Variants in ADAMTS10 observed in about 807,000 individuals in gnomAD.
ADAMTS10 encodes the protein ADAM metallopeptidase with thrombospondin type 1 motif 10.
Under a neutral mutation model 135.9 loss-of-function variants are expected in ADAMTS10, and 48 were observed. The ratio of observed to expected loss-of-function variants is 0.35; its 90% CI spans 0.28 to 0.45. ADAMTS10 has a LOEUF of 0.45. Among genes scored for constraint, ADAMTS10 ranks in the 20% least tolerant of loss-of-function variants. ADAMTS10 has a pLI of 1.00. For missense variants in ADAMTS10, 1,131 were observed against 1,565.2 expected (o/e 0.72, Z 4.68); for synonymous variants, 621 against 647.5 (o/e 0.96, Z 0.62).
At chr19:8,603,669 C>T (rs1293266775) in intron 5 of ADAMTS10, 59 bp downstream of exon 5, 7 of 1,607,766 alleles carry the variant, frequency 4.4e-6, no homozygotes, top group African/African-American at 1.3e-5. Flanking sequence ...AAAGACACTG[C>T]TGCCTCAAGG....
chr19:8,598,091 G>T (rs1324349527), intron 6 of ADAMTS10, among the ~76,000 whole-genome samples: 2 of 152,162 alleles, frequency 1.3e-5, no homozygotes, highest in Non-Finnish European at 2.9e-5. Flanking sequence ...TGGGATCACA[G>T]GTGTGAGCCA....
chr19:8,592,967 G>A (rs2042561009), intron 12 of ADAMTS10, 97 bp from the exon 13 acceptor site: 3 of 1,160,494 alleles, frequency 2.6e-6, no homozygotes, highest in Non-Finnish European at 3.7e-6. Flanking sequence ...GCTCACTGCC[G>A]GTCCCAGAGC....
At position 8,585,040 on chromosome 19, in the gene ADAMTS10, G is replaced by A; in HGVS notation, c.3057C>T (p.Cys1019=). 3 of 1,529,744 alleles carry A rather than the reference G, an allele frequency of 2.0e-6. No homozygotes were observed. The highest frequency in any genetic ancestry group is 1.8e-6 in the Non-Finnish European group (2 of 1,142,280). The allele number at this position is 1,529,744 out of a possible 1,614,324, so 94.8% of individuals were successfully genotyped here. The change falls in exon 25 of 26, where the codon TGC becomes TGT. Residue 1019 remains cysteine, a synonymous_variant. Transcript: ENST00000597188. ...AGEWGECSAQ[C]GVGQRQRSVR... The stretch of plus-strand genomic sequence containing the variant: ...CCGAGCGCTGCCGCTGCCCGACGCC[G>A]CACTGTGCAGAGCACTGCGAGGGGG...
chr19:8,597,162 C>A, intron 7 of ADAMTS10, 30 bp from the exon 8 acceptor site: 1 of 1,614,118 alleles, frequency 6.2e-7, no homozygotes, highest in Non-Finnish European at 8.5e-7. Flanking sequence ...AATGCATGGG[C>A]ACCCACCACC....
rs1357139384 is a variant in ADAMTS10, at chr19:8,607,040, CAT to C, written c.-100+1092_-100+1093del. ...GGCCTGGAGGTTGGGTAGAGCCTGG[CAT>C]GAGCCCAGACAGGGTGGGTGCAGGA... On this transcript the variant is annotated intron_variant, in intron 2 of 25. Coordinates refer to ENST00000597188, the MANE Select transcript of ADAMTS10 (RefSeq NM_030957.4). 3.3e-5 allele frequency among the ~76,000 whole-genome samples: 5 copies of C among 152,194 alleles called. No homozygotes were observed. In the East Asian group the frequency reaches 9.6e-4, roughly 29 times the overall value.
At position 8,605,946 on chromosome 19, in the gene ADAMTS10, TC is replaced by T; in HGVS notation, c.-99-138del. ...ATTTTCTCACTCAGTCACTCCCCTCTCCCCACCTCCCCTTCCAATCCTTCCT... is the reference window on the plus strand; with the variant it reads ...ATTTTCTCACTCAGTCACTCCCCTCTCCCACCTCCCCTTCCAATCCTTCCT... On this transcript the variant is annotated intron_variant, in intron 2 of 25. Transcript: ENST00000597188. The surrounding 1 kb of genome is among the most constrained non-coding windows in gnomAD (Gnocchi z 7.7). 4 of 799,252 alleles carry T rather than the reference TC, an allele frequency of 5.0e-6. No homozygotes were observed. The highest frequency in any genetic ancestry group is 7.7e-6 in the Non-Finnish European group (4 of 522,356). 49.5% of individuals were successfully genotyped at this position (799,252 alleles called of 1,614,324 possible).
chr19:8,589,808 AT>A (rs2146056580), intron 16 of ADAMTS10, 80 bp downstream of exon 16: 6 of 1,478,174 alleles, frequency 4.1e-6, no homozygotes, highest in Non-Finnish European at 5.6e-6. Flanking sequence ...AGACCCCGGG[AT>A]GCTGCATTCA....
In ADAMTS10 at chr19:8,589,882, C is replaced by T; in HGVS notation, c.1900+7G>A. The T allele has an allele frequency of 1.9e-6, 3 of 1,612,918 alleles. No individual in the cohort carries two copies. Among genetic ancestry groups the T allele is most frequent in the Non-Finnish European group, 2.5e-6 (3 of 1,178,976 alleles). On this transcript the variant is annotated splice_region_variant and intron_variant, in intron 16 of 25. Coordinates refer to ENST00000597188, the MANE Select transcript of ADAMTS10 (RefSeq NM_030957.4). ...CGGCCCCACAGCCTTTGGAGTCCCA[C>T]ACTCACCTCCCCGGTACGTTTTCCA...
In ADAMTS10 at chr19:8,596,663, G is replaced by A. The variant is rs1044624948; in HGVS notation, c.1041-78C>T. ...GCTGATGCCACCATGCCCAGCTCTG[G>A]GGGTTGAGTCCTGCCTTGGAGGCGC... On this transcript the variant is annotated intron_variant, in intron 8 of 25. Coordinates refer to ENST00000597188, the MANE Select transcript of ADAMTS10 (RefSeq NM_030957.4). The surrounding 1 kb of genome is among the most constrained non-coding windows in gnomAD (Gnocchi z 7.2). 5 of 1,562,814 alleles carry A rather than the reference G, an allele frequency of 3.2e-6. No homozygotes were observed.
chr19:8,604,356 C>G (rs1421358645), intron 4 of ADAMTS10, among the ~76,000 whole-genome samples: 1 of 150,956 alleles, frequency 6.6e-6, no homozygotes, highest in Non-Finnish European at 1.5e-5. Flanking sequence ...AGTCAGCATG[C>G]TCAGCCTCTA....
At chr19:8,610,529 AG>A (rs2042769794) in intron 1 of ADAMTS10, 114 bp downstream of exon 1, 2 of 152,102 alleles carry the variant, frequency 1.3e-5, no homozygotes, top group Non-Finnish European at 2.9e-5. Flanking sequence ...GGAGTCGCAC[AG>A]CGGGATGCCC....
At chr19:8,604,819 A>G in intron 4 of ADAMTS10, 193 bp downstream of exon 4, 2 of 661,606 alleles carry the variant, frequency 3.0e-6, no homozygotes, top group Non-Finnish European at 5.1e-6. Context: ...TAGCTCATTA[A>G]TTTTCAGCCT....
chr19:8,606,351 C>T (rs782668482), intron 2 of ADAMTS10, among the ~76,000 whole-genome samples: 2 of 152,112 alleles, frequency 1.3e-5, no homozygotes, highest in Non-Finnish European at 2.9e-5. Context: ...GCATGAGCCA[C>T]TGCACCCAGC....
intron 4 of ADAMTS10, 171 bp downstream of exon 4, chr19:8,604,841 A>G (rs1007676809): frequency 1.4e-6 from 1 of 736,526 alleles, no homozygotes; most frequent in East Asian, 2.7e-5. Flanking sequence ...ACCTAAGGCT[A>G]TACATTTTCC....
Position 8,605,523 on chromosome 19 carries a change from GA to G in ADAMTS10, c.88+99del. ...ATTGACCCCAGGGCCTTCCCCCATT[GA>G]CCCCCATCCCAGCCCCCTGATGCCT... On this transcript the variant is annotated intron_variant, in intron 3 of 25. Transcript: ENST00000597188. This position sits in a 1 kb window ranked among gnomAD's most constrained non-coding sequence, Gnocchi z 7.7. 7.9e-7 allele frequency: 1 copy of G among 1,267,186 alleles called. No individual in the cohort carries two copies. 78.5% of individuals were successfully genotyped at this position (1,267,186 alleles called of 1,614,324 possible). A position where few individuals can be genotyped will look rare whatever the true frequency, so the allele number is the denominator to read the frequency against.
intron 4 of ADAMTS10, 103 bp downstream of exon 4, chr19:8,604,909 A>C: frequency 1.5e-6 from 2 of 1,311,488 alleles, no homozygotes; most frequent in Non-Finnish European, 2.1e-6. Context: ...ACACTTAAAA[A>C]ACATCCCACT....
chr19:8,592,217 C>CTGG, intron 13 of ADAMTS10, 114 bp from the exon 14 acceptor site: 1 of 1,442,954 alleles, frequency 6.9e-7, no homozygotes, highest in Non-Finnish European at 9.0e-7. Flanking sequence ...CCGGGATGGG[C>CTGG]AGAGGCGGGG....
rs530415046 is a variant in ADAMTS10 at position 8,586,596 on chromosome 19, C to T, written c.2365G>A (p.Glu789Lys). The change falls in exon 20 of 26, where the codon GAA becomes AAA. Residue 789 changes from glutamate to lysine, a missense_variant. By Grantham distance (56) the Glu-to-Lys change is moderately conservative. Around this residue, in one of 3 missense-constraint regions of ADAMTS10, gnomAD observed 745 missense variants for 1,056.3 expected, o/e 0.71. Transcript: ENST00000597188. ...GATGCATTAATCGGTCCCAGGGCTT[C>T]GAGGCTCTGGACCTGGTCTGGCCCC... ...RQGPDQVQSL[E>K]ALGPINASLI... is the part of the protein sequence containing the mutation. 6.8e-6 allele frequency: 11 copies of T among 1,613,828 alleles called. No homozygotes were observed. Among genetic ancestry groups the T allele is most frequent in the Non-Finnish European group, 9.3e-6 (11 of 1,180,020 alleles).
chr19:8,605,889 G>A lies in ADAMTS10; in HGVS notation c.-99-80C>T. The A allele has an allele frequency of 1.5e-6, 2 of 1,300,884 alleles. No individual in the cohort carries two copies. The highest frequency in any genetic ancestry group is 2.0e-6 in the Non-Finnish European group (2 of 976,332). 80.6% of individuals were successfully genotyped at this position (1,300,884 alleles called of 1,614,324 possible). On this transcript the variant is annotated intron_variant, in intron 2 of 25. Transcript: ENST00000597188. The surrounding 1 kb of genome is among the most constrained non-coding windows in gnomAD (Gnocchi z 7.7). ...AATGCCAAGGCCAATCATGGCCAAA[G>A]CTTTTCACCTGACTCTGAAGATTCT... is the stretch of plus-strand genomic sequence containing the variant.
Sources: allele counts gnomAD v4.1 joint callset (sites outside exome capture counted in the v4.1 genomes callset), GRCh38; gene constraint gnomAD v4.1.1; regional missense constraint gnomAD v4.1.1; non-coding constraint Gnocchi (gnomAD v3.1); transcripts MANE v1.5; gene names NCBI Gene and HGNC (gene_info 2026-07-23, HGNC 2026-07-21).